CHSY3: variants seen among roughly 807,000 people sequenced by gnomAD.
The protein encoded by CHSY3 is N-acetylgalactosaminyl-proteoglycan 3-beta-glucuronosyltransferase 3.
CHSY3 carries 35 observed loss-of-function variants against 67.2 expected under a neutral mutation model. That is an observed-to-expected ratio of 0.52 (90% CI 0.40 to 0.69). The LOEUF (loss-of-function observed/expected upper bound fraction) is 0.69. Ranked by LOEUF, CHSY3 falls within the 30% of genes least tolerant of loss-of-function variation. The pLI is 0.00. For missense variants in CHSY3, 1,069 were observed against 1,138.5 expected (o/e 0.94, Z 0.88); for synonymous variants, 474 against 434.7 (o/e 1.09, Z -1.12).
chr5:130,072,251 C>T (rs1295957509), intron 2 of CHSY3, among the ~76,000 whole-genome samples: 1 of 152,086 alleles, frequency 6.6e-6, no homozygotes, highest in Non-Finnish European at 1.5e-5. Context: ...AGATTTTCCC[C>T]TGTGCTTTCT....
At chr5:130,163,243 T>G (rs1769613048) in intron 2 of CHSY3, among the ~76,000 whole-genome samples, 1 of 152,174 alleles carries the variant, frequency 6.6e-6, no homozygotes, top group Admixed American at 6.5e-5. Flanking sequence ...AAACACAGTA[T>G]TGATTAAAAT....
At chr5:129,961,022 T>G (rs1387448285) in intron 2 of CHSY3, among the ~76,000 whole-genome samples, 1 of 152,088 alleles carries the variant, frequency 6.6e-6, no homozygotes, top group Non-Finnish European at 1.5e-5. Context: ...CCAGAGTGAC[T>G]TGAATTGGAA....
At chr5:130,163,573 C>T (rs1338516233) in intron 2 of CHSY3, among the ~76,000 whole-genome samples, 7 of 152,120 alleles carry the variant, frequency 4.6e-5, no homozygotes, top group Admixed American at 2.0e-4. Flanking sequence ...CTATTTTTCT[C>T]GAGAAAACCT....
Position 130,185,665 on chromosome 5 carries a change from C to G in CHSY3, c.2523C>G (p.Asn841Lys), listed in dbSNP as rs763875798. The change falls in exon 3 of 3, where the codon AAC becomes AAG. Residue 841 changes from asparagine (N) to lysine (K), a missense_variant. This residue lies in a region of CHSY3 where 139 missense variants were observed against 152.8 expected (regional missense o/e 0.91). Transcript: ENST00000305031. ...TCCATCCAGTTCATTGTGATCCTAA[C>G]TTGGACCCTAAGCAGTATAAGATGT... is the stretch of plus-strand genomic sequence containing the variant. The part of the protein sequence containing the change: ...HIFHPVHCDP[N>K]LDPKQYKMCL... 6.2e-6 allele frequency: 10 copies of G among 1,613,968 alleles called. No individual in the cohort carries two copies. Among genetic ancestry groups the G allele is most frequent in the Non-Finnish European group, 7.6e-6 (9 of 1,179,976 alleles).
chr5:130,097,593 G>C (rs188602530), intron 2 of CHSY3, among the ~76,000 whole-genome samples: 234 of 152,316 alleles, frequency 1.5e-3, no homozygotes, highest in African/African-American at 5.3e-3. Flanking sequence ...TGACTTTTTA[G>C]TTCTTTGGTT....
At chr5:130,167,261 T>A (rs57682660) in intron 2 of CHSY3, among the ~76,000 whole-genome samples, 1,805 of 152,236 alleles carry the variant, frequency 0.012, 25 homozygotes, top group African/African-American at 0.039. Flanking sequence ...TTGGCTGGTA[T>A]GATCAGGCCT....
intron 2 of CHSY3, among the ~76,000 whole-genome samples, chr5:130,000,780 G>A (rs1351286186): frequency 2.8e-5 from 3 of 106,500 alleles, no homozygotes; most frequent in Non-Finnish European, 5.1e-5. Flanking sequence ...ATCTTGCTAC[G>A]TTACCCAGGC....
At chr5:129,949,562 A>T (rs1198644010) in intron 2 of CHSY3, among the ~76,000 whole-genome samples, 1 of 152,156 alleles carries the variant, frequency 6.6e-6, no homozygotes, top group East Asian at 1.9e-4. Flanking sequence ...ATCCTTGTCA[A>T]ACTCTTCCCA....
At chr5:130,141,921 C>T (rs1043669049) in intron 2 of CHSY3, 1 of 226,266 alleles carries the variant, frequency 4.4e-6, no homozygotes, top group Non-Finnish European at 8.9e-6. Context: ...CTGGAGCTTC[C>T]CCAGGGCCCC....
rs1770346917 is a variant in CHSY3, at chr5:130,184,440, A to G, written c.1298A>G (p.Lys433Arg). The change falls in exon 3 of 3, where the codon AAG becomes AGG. Residue 433 changes from lysine (K) to arginine (R), a missense_variant. By Grantham distance (26) the Lys-to-Arg change is conservative. Coordinates refer to ENST00000305031, the MANE Select transcript of CHSY3 (RefSeq NM_175856.5). ...QLHRESALMS[K>R]LSNTEVSKED... ...CACAGGGAAAGTGCCCTGATGAGCA[A>G]GCTCAGTAACACAGAAGTGAGCAAA... 1 of 1,613,418 alleles carries G rather than the reference A, an allele frequency of 6.2e-7. No individual in the cohort carries two copies. Among genetic ancestry groups the G allele is most frequent in the African/African-American group, 1.3e-5 (1 of 74,930 alleles).
intron 2 of CHSY3, among the ~76,000 whole-genome samples, chr5:130,000,920 G>A (rs1300832396): frequency 2.3e-5 from 3 of 131,000 alleles, no homozygotes; most frequent in African/African-American, 8.8e-5. Flanking sequence ...ACAGAGTCTC[G>A]CTCTGTCACC....
chr5:130,032,429 A>C (rs1216990746), intron 2 of CHSY3, among the ~76,000 whole-genome samples: 1 of 152,140 alleles, frequency 6.6e-6, no homozygotes, highest in Non-Finnish European at 1.5e-5. Flanking sequence ...ACACATTATA[A>C]AGGTAGATTT....
At chr5:130,028,373 A>G (rs1764611186) in intron 2 of CHSY3, among the ~76,000 whole-genome samples, 1 of 152,054 alleles carries the variant, frequency 6.6e-6, no homozygotes, top group South Asian at 2.1e-4. Flanking sequence ...CAACCATCTG[A>G]TCTTTAACAA....
intron 2 of CHSY3, among the ~76,000 whole-genome samples, chr5:130,019,880 G>C (rs911200973): frequency 6.6e-6 from 1 of 152,190 alleles, no homozygotes; most frequent in African/African-American, 2.4e-5. Flanking sequence ...ATTAGAGCTT[G>C]TAGATATTTT....
chr5:130,072,006 A>C (rs1766089225), intron 2 of CHSY3, among the ~76,000 whole-genome samples: 1 of 151,956 alleles, frequency 6.6e-6, no homozygotes, highest in South Asian at 2.1e-4. Flanking sequence ...TTTTTGAGAA[A>C]TGTCTGTTTA....
chr5:129,941,198 G>C (rs1346171283), intron 2 of CHSY3, among the ~76,000 whole-genome samples: 1 of 152,054 alleles, frequency 6.6e-6, no homozygotes, highest in East Asian at 1.9e-4. Context: ...GAAAGATCCT[G>C]TCTTAATAAA....
chr5:129,955,891 A>G (rs1034416747), intron 2 of CHSY3, among the ~76,000 whole-genome samples: 2 of 152,186 alleles, frequency 1.3e-5, no homozygotes, highest in Non-Finnish European at 2.9e-5. Context: ...TTATGGCTGC[A>G]TAGTATTCCA....
intron 2 of CHSY3, among the ~76,000 whole-genome samples, chr5:130,056,840 T>C (rs1765544951): frequency 6.6e-6 from 1 of 151,868 alleles, no homozygotes; most frequent in African/African-American, 2.4e-5. Context: ...GAGGACCATG[T>C]GAGTCAATAC....
chr5:130,019,395 GCTTCC>G (rs1399620259), intron 2 of CHSY3, among the ~76,000 whole-genome samples: 1 of 151,994 alleles, frequency 6.6e-6, no homozygotes, highest in East Asian at 1.9e-4. Flanking sequence ...ATTATCTTTT[GCTTCC>G]CGATACTCAT....
Sources: gnomAD v4.1 joint callset for allele counts (sites outside exome capture counted in the v4.1 genomes callset) on GRCh38, gnomAD v4.1.1 for gene constraint, gnomAD v4.1.1 regional missense constraint, MANE v1.5 for transcripts, NCBI Gene and HGNC (gene_info 2026-07-23, HGNC 2026-07-21) for gene names.